The following PAK5 variants were observed in gnomAD, a reference collection of about 807,000 sequenced individuals.
PAK5 encodes the protein p21 (RAC1) activated kinase 5.
In PAK5, 16 loss-of-function variants were observed where a neutral mutation model predicts 65.9. That is an observed-to-expected ratio of 0.24 (90% confidence interval 0.16 to 0.37). PAK5 has a LOEUF of 0.37. Ranked by LOEUF, PAK5 falls within the 10% of genes least tolerant of loss-of-function variation. The pLI is 1.00. For missense variants in PAK5, 785 were observed against 903.9 expected (o/e 0.87, Z 1.69); for synonymous variants, 371 against 354.9 (o/e 1.05, Z -0.51).
intron 3 of PAK5, among the ~76,000 whole-genome samples, chr20:9,596,752 GGGGTAAAGACCA>G (rs2046277029): frequency 1.3e-5 from 2 of 151,808 alleles, no homozygotes; most frequent in Non-Finnish European, 2.9e-5. Context: ...AAGAATCTCT[GGGGTAAAGACCA>G]GGCAGTGGTA....
At chr20:9,651,690 G>C (rs1037554841) in intron 2 of PAK5, among the ~76,000 whole-genome samples, 2 of 152,076 alleles carry the variant, frequency 1.3e-5, no homozygotes, top group African/African-American at 4.8e-5. Context: ...TATGCCCCAG[G>C]GGCTTTGATT....
In PAK5 at chr20:9,705,126, A is replaced by G. The variant is rs755865034; in HGVS notation, c.-12+6160T>C. Among the ~76,000 whole-genome samples, 75 of 152,342 alleles carry G rather than the reference A, an allele frequency of 4.9e-4. 1 individual carries two copies. Among genetic ancestry groups the G allele is most frequent in the East Asian group, 3.9e-4 (2 of 5,182 alleles). On this transcript the variant is annotated intron_variant, in intron 2 of 9. Coordinates refer to ENST00000353224, the MANE Select transcript of PAK5 (RefSeq NM_177990.4). ...AATGTGCTGCAAGGCACAGGACAGT[A>G]TCCCATGGGAATTATGCAGTCCAAA... is the stretch of plus-strand genomic sequence containing the variant.
At chr20:9,670,927 A>T (rs534006610) in intron 2 of PAK5, among the ~76,000 whole-genome samples, 16 of 152,268 alleles carry the variant, frequency 1.1e-4, no homozygotes, top group Admixed American at 8.5e-4. Flanking sequence ...TAAGTCTTTA[A>T]TCTATCTTGA....
At chr20:9,646,602 A>T (rs1461530424) in intron 2 of PAK5, among the ~76,000 whole-genome samples, 3 of 152,204 alleles carry the variant, frequency 2.0e-5, no homozygotes, top group African/African-American at 7.2e-5. Context: ...TGCTGCAGAG[A>T]TGGCCCACAA....
At chr20:9,653,104 A>C (rs995429144) in intron 2 of PAK5, among the ~76,000 whole-genome samples, 1 of 152,168 alleles carries the variant, frequency 6.6e-6, no homozygotes, top group Non-Finnish European at 1.5e-5. Flanking sequence ...TGCAATATCC[A>C]ATATCCAGTA....
intron 1 of PAK5, among the ~76,000 whole-genome samples, chr20:9,797,112 G>T (rs1038489790): frequency 2.6e-5 from 4 of 151,222 alleles, no homozygotes; most frequent in Admixed American, 2.0e-4. Context: ...TCTCATTGTG[G>T]TTTTGATTTG....
intron 1 of PAK5, among the ~76,000 whole-genome samples, chr20:9,781,925 C>T (rs193012524): frequency 3.9e-5 from 6 of 152,246 alleles, no homozygotes; most frequent in East Asian, 3.9e-4. Context: ...TTGTGCTCAG[C>T]GCAGCAGTCC....
intron 6 of PAK5, among the ~76,000 whole-genome samples, chr20:9,558,893 G>C (rs1391131325): frequency 6.6e-6 from 1 of 152,206 alleles, no homozygotes; most frequent in African/African-American, 2.4e-5. Context: ...CAGTTTTAGA[G>C]GGGGAGGGGG....
intron 1 of PAK5, among the ~76,000 whole-genome samples, chr20:9,778,327 C>G (rs1459137296): frequency 1.3e-5 from 2 of 151,976 alleles, no homozygotes; most frequent in Non-Finnish European, 2.9e-5. Flanking sequence ...AGCCTCAAAC[C>G]CCTGGGCTCA....
chr20:9,573,253 T>C (rs2045823812), intron 4 of PAK5, among the ~76,000 whole-genome samples: 1 of 152,180 alleles, frequency 6.6e-6, no homozygotes, highest in South Asian at 2.1e-4. Flanking sequence ...AAGAATATAT[T>C]ATATAAGGGA....
At chr20:9,652,343 A>G (rs929001158) in intron 2 of PAK5, among the ~76,000 whole-genome samples, 17 of 152,326 alleles carry the variant, frequency 1.1e-4, no homozygotes, top group African/African-American at 4.1e-4. Flanking sequence ...TTTTAGGGAA[A>G]ATGAAACATA....
intron 3 of PAK5, among the ~76,000 whole-genome samples, chr20:9,637,221 G>T (rs879677324): frequency 3.3e-5 from 5 of 151,980 alleles, no homozygotes; most frequent in Non-Finnish European, 7.4e-5. Context: ...GGTTGCCCAG[G>T]TTGGTCTCAA....
Position 9,721,090 on chromosome 20 carries a change from T to G in PAK5, c.-161-9655A>C, listed in dbSNP as rs145610849. Among the ~76,000 whole-genome samples, 478 of 151,996 alleles carry G rather than the reference T, an allele frequency of 3.1e-3. 5 individuals are homozygous for G. Among genetic ancestry groups the G allele is most frequent in the African/African-American group, 0.011 (454 of 41,274 alleles). On this transcript the variant is annotated intron_variant, in intron 1 of 9. Coordinates refer to ENST00000353224, the MANE Select transcript of PAK5 (RefSeq NM_177990.4). Reference sequence around the variant, plus strand: ...ACTAAGTTGTTCATTTTAAACGAGTTAATTGTTTCATAAATTTTATCTCGA... The same window carrying G: ...ACTAAGTTGTTCATTTTAAACGAGTGAATTGTTTCATAAATTTTATCTCGA...
At position 9,608,475 on chromosome 20, in the gene PAK5, G is replaced by A. The variant is rs747271836; in HGVS notation, c.205-27545C>T. 4.6e-5 allele frequency among the ~76,000 whole-genome samples: 7 copies of A among 152,238 alleles called. No homozygotes were observed. In the East Asian group the frequency reaches 5.8e-4, roughly 13 times the overall value. ...TGAGGTGGAAGCATTCCTTCCTGGT[G>A]TGGATTTGAACTGGCAAGTAATCCT... is the stretch of plus-strand genomic sequence containing the variant. On this transcript the variant is annotated intron_variant, in intron 3 of 9. Coordinates refer to ENST00000353224, the MANE Select transcript of PAK5 (RefSeq NM_177990.4).
intron 1 of PAK5, among the ~76,000 whole-genome samples, chr20:9,719,005 GC>G (rs913527715): frequency 6.6e-6 from 1 of 152,072 alleles, no homozygotes; most frequent in African/African-American, 2.4e-5. Context: ...CTCCTCATCT[GC>G]CCCCCTGTGA....
intron 1 of PAK5, among the ~76,000 whole-genome samples, chr20:9,799,929 ACT>A (rs1359093406): frequency 5.9e-5 from 7 of 119,366 alleles, no homozygotes; most frequent in Non-Finnish European, 1.2e-4. Flanking sequence ...ATAGAGTGAG[ACT>A]CTGTCTCCAA....
chr20:9,732,992 A>G (rs767963886), intron 1 of PAK5, among the ~76,000 whole-genome samples: 9 of 152,178 alleles, frequency 5.9e-5, no homozygotes, highest in South Asian at 2.1e-4. Context: ...GCTGATAAAC[A>G]TAACACTTTG....
At chr20:9,614,469 C>T (rs558832580) in intron 3 of PAK5, among the ~76,000 whole-genome samples, 1 of 152,218 alleles carries the variant, frequency 6.6e-6, no homozygotes, top group East Asian at 1.9e-4. Flanking sequence ...AACCACAGAT[C>T]CAGGAAGCTC....
intron 3 of PAK5, among the ~76,000 whole-genome samples, chr20:9,627,501 C>T (rs2046861426): frequency 6.6e-6 from 1 of 152,194 alleles, no homozygotes; most frequent in Non-Finnish European, 1.5e-5. Context: ...TGCAGCACTG[C>T]AGCAGCCTGC....
Sources: gnomAD v4.1 joint callset for allele counts (sites outside exome capture counted in the v4.1 genomes callset) on GRCh38, gnomAD v4.1.1 for gene constraint, MANE v1.5 for transcripts, NCBI Gene and HGNC (gene_info 2026-07-23, HGNC 2026-07-21) for gene names.